The following COLGALT2 variants were observed in gnomAD, a reference collection of about 807,000 sequenced individuals.
The protein encoded by COLGALT2 is collagen beta(1-O)galactosyltransferase 2.
In COLGALT2, 49 loss-of-function variants were observed where a neutral mutation model predicts 73.4. The observed-to-expected ratio is 0.67, with a 90% CI of 0.53 to 0.85. The LOEUF is 0.85. COLGALT2 is among the 40% of genes least tolerant of loss of function. The probability of loss-of-function intolerance (pLI) is 0.00; values close to 1 mark genes in which losing one functional copy is unlikely to be tolerated. For missense variants in COLGALT2, 722 were observed against 790.2 expected, an observed-to-expected ratio of 0.91 and a Z score of 1.03; for synonymous variants, 295 against 307.6, an observed-to-expected ratio of 0.96 and a Z score of 0.43.
At chr1:184,013,200 A>G (rs1367732912) in intron 1 of COLGALT2, among the ~76,000 whole-genome samples, 2 of 152,216 alleles carry the variant, frequency 1.3e-5, no homozygotes, top group African/African-American at 4.8e-5. Flanking sequence ...CTGTAATCCC[A>G]GCTACTCAGG....
chr1:183,942,981 G>C (rs1484250521), intron 10 of COLGALT2, among the ~76,000 whole-genome samples: 1 of 152,220 alleles, frequency 6.6e-6, no homozygotes, highest in Non-Finnish European at 1.5e-5. Flanking sequence ...TGGACATCAA[G>C]TAGCTTCCAG....
At chr1:183,948,949 C>A (rs1670320236) in intron 8 of COLGALT2, among the ~76,000 whole-genome samples, 1 of 152,104 alleles carries the variant, frequency 6.6e-6, no homozygotes, top group African/African-American at 2.4e-5. Flanking sequence ...AATGAACAAT[C>A]TGAAAATAGA....
In COLGALT2 at chr1:183,973,657, G is replaced by C. The variant is rs780114815; in HGVS notation, c.586C>G (p.Arg196Gly). The C allele has an allele frequency of 6.2e-7, 1 of 1,614,028 alleles. No individual in the cohort carries two copies. The highest frequency in any genetic ancestry group is 2.2e-5 in the East Asian group (1 of 44,874). Residue 196 changes from arginine to glycine, a missense_variant, in exon 4 of 12, where the codon CGG (arginine) becomes GGG (glycine). Physicochemically the swap from Arg to Gly is moderately radical, Grantham distance 125. Coordinates refer to ENST00000361927, the MANE Select transcript of COLGALT2 (RefSeq NM_015101.4). ...KTIVAPMLESRGLYSNFWCGI... is the reference protein window; with the variant it reads ...KTIVAPMLESGGLYSNFWCGI... ...CACCAGAAATTAGAATACAGGCCCC[G>C]AGACTCCAGCATGGGGGCCACAATA...
At chr1:183,930,092 C>T (rs1011009928) in exon 12 of COLGALT2, 5 of 395,796 alleles carry the variant, frequency 1.3e-5, no homozygotes, top group African/African-American at 8.3e-5. Flanking sequence ...CTTCTGTTCA[C>T]AGCCCATCAA....
At chr1:183,934,395 GC>G (rs1361774119), downstream of COLGALT2, among the ~76,000 whole-genome samples, 2 of 152,128 alleles carry the variant, frequency 1.3e-5, no homozygotes, top group African/African-American at 2.4e-5. Flanking sequence ...CCCCTCATAT[GC>G]CCCTCCTCTC....
In COLGALT2 at chr1:183,950,278, A is replaced by G. The variant is rs564736692; in HGVS notation, c.1136+729T>C. 8.5e-5 allele frequency among the ~76,000 whole-genome samples: 13 copies of G among 152,222 alleles called. No homozygotes were observed. In the South Asian group the frequency reaches 2.7e-3, roughly 32 times the overall value. On this transcript the variant is annotated intron_variant, in intron 8 of 11. Transcript: ENST00000361927. The stretch of plus-strand genomic sequence containing the variant: ...GAGTGTCCAGGTCACACTTTGGGAA[A>G]CACTGATGAGATTCTCTAAGGGAGT...
downstream of COLGALT2, among the ~76,000 whole-genome samples, chr1:183,934,216 G>A (rs1213430165): frequency 2.0e-5 from 3 of 152,172 alleles, no homozygotes; most frequent in Admixed American, 2.0e-4. Context: ...CTCTGTCCCT[G>A]GGATAAGAGG....
intron 1 of COLGALT2, among the ~76,000 whole-genome samples, chr1:184,001,141 T>C (rs1377749786): frequency 6.6e-6 from 1 of 152,198 alleles, no homozygotes; most frequent in Non-Finnish European, 1.5e-5. Context: ...CCTATTTCAG[T>C]CCTTTAAAGA....
At chr1:183,956,411 G>C (rs1286851849) in intron 6 of COLGALT2, among the ~76,000 whole-genome samples, 6 of 152,126 alleles carry the variant, frequency 3.9e-5, no homozygotes, top group Non-Finnish European at 8.8e-5. Context: ...GAATATTCTG[G>C]TCCTTTCTGC....
downstream of COLGALT2, among the ~76,000 whole-genome samples, chr1:183,931,107 GAC>G (rs1211827129): frequency 6.6e-6 from 1 of 152,190 alleles, no homozygotes; most frequent in African/African-American, 2.4e-5. Flanking sequence ...ATGAGGCTGA[GAC>G]ACAGAACAGT....
intron 1 of COLGALT2, among the ~76,000 whole-genome samples, chr1:184,007,288 T>C (rs1398556630): frequency 3.9e-5 from 6 of 152,206 alleles, no homozygotes; most frequent in African/African-American, 1.4e-4. Context: ...TCGGCAAATC[T>C]CAATCCCTTT....
chr1:183,994,773 T>G (rs529777969), intron 1 of COLGALT2, among the ~76,000 whole-genome samples: 92 of 152,240 alleles, frequency 6.0e-4, no homozygotes, highest in African/African-American at 2.1e-3. Flanking sequence ...AAATTAAAGG[T>G]GAATTTTCAA....
chr1:183,969,726 T>C (rs1670983902), intron 4 of COLGALT2, among the ~76,000 whole-genome samples: 1 of 152,224 alleles, frequency 6.6e-6, no homozygotes, highest in African/African-American at 2.4e-5. Context: ...CTAGATTTAA[T>C]AATTTCATAA....
At chr1:184,033,261 AG>A (rs1469359700) in intron 1 of COLGALT2, among the ~76,000 whole-genome samples, 1 of 152,222 alleles carries the variant, frequency 6.6e-6, no homozygotes, top group East Asian at 1.9e-4. Flanking sequence ...AGGTTTAAGG[AG>A]GATGAGGTCA....
chr1:183,988,957 A>T (rs1323667290), intron 1 of COLGALT2, among the ~76,000 whole-genome samples: 1 of 152,206 alleles, frequency 6.6e-6, no homozygotes, highest in Non-Finnish European at 1.5e-5. Context: ...TGACCATTTT[A>T]CGTATATAAC....
In COLGALT2 at chr1:183,938,656, C is replaced by T; in HGVS notation, c.*105G>A. The T allele has an allele frequency of 6.7e-7, 1 of 1,494,918 alleles. No individual in the cohort carries two copies. The allele number at this position is 1,494,918 out of a possible 1,614,324, so 92.6% of individuals were successfully genotyped here. On this transcript the variant is annotated 3_prime_UTR_variant, in exon 12 of 12. Transcript: ENST00000361927. The stretch of plus-strand genomic sequence containing the variant: ...GATCACTTTGGTTAGATGACTGTGA[C>T]CACTAAGAACAAAACAAAACAGAAA...
At chr1:183,971,556 T>C (rs746297680) in intron 4 of COLGALT2, among the ~76,000 whole-genome samples, 8 of 152,184 alleles carry the variant, frequency 5.3e-5, no homozygotes, top group Non-Finnish European at 1.2e-4. Flanking sequence ...AATGTATGAA[T>C]TTAAACCAAT....
At chr1:183,964,126 C>A in intron 5 of COLGALT2, 106 bp from the exon 6 acceptor site, 1 of 1,238,022 alleles carries the variant, frequency 8.1e-7, no homozygotes, top group South Asian at 1.6e-5. Context: ...TTTGACACTG[C>A]AATTAAATAA....
intron 2 of COLGALT2, among the ~76,000 whole-genome samples, chr1:183,977,251 C>A (rs1202169203): frequency 6.6e-6 from 1 of 151,872 alleles, no homozygotes; most frequent in Non-Finnish European, 1.5e-5. Context: ...GCGGGCAGAT[C>A]ACAGGGTCAG....
Sources: allele counts gnomAD v4.1 joint callset (sites outside exome capture counted in the v4.1 genomes callset), GRCh38; gene constraint gnomAD v4.1.1; transcripts MANE v1.5; gene names NCBI Gene and HGNC (gene_info 2026-07-23, HGNC 2026-07-21).